The following UGGT2 variants were observed in gnomAD, a reference collection of about 807,000 sequenced individuals.
The protein encoded by UGGT2 is UDP-glucose glycoprotein glucosyltransferase 2.
A neutral mutation model predicts 192.1 loss-of-function variants in UGGT2; 180 were observed. The ratio of observed to expected loss-of-function variants is 0.94; its 90% CI spans 0.83 to 1.06. The LOEUF is 1.06. UGGT2 is among the 50% of genes least tolerant of loss of function. UGGT2 has a pLI of 0.00. For missense variants in UGGT2, 1,849 were observed against 1,795.7 expected, an observed-to-expected ratio of 1.03 and a Z score of -0.54; for synonymous variants, 580 against 591.0, an observed-to-expected ratio of 0.98 and a Z score of 0.27.
intron 17 of UGGT2, among the ~76,000 whole-genome samples, chr13:95,932,299 T>C (rs981254398): frequency 3.5e-5 from 5 of 144,312 alleles, no homozygotes; most frequent in African/African-American, 5.1e-5. Flanking sequence ...GCTGTATTCC[T>C]AGGTATTTTA....
intron 2 of UGGT2, among the ~76,000 whole-genome samples, chr13:96,030,841 A>G: frequency 6.6e-6 from 1 of 152,372 alleles, no homozygotes; most frequent in East Asian, 1.9e-4. Flanking sequence ...ACTCTCATAT[A>G]CATATAAAAA....
chr13:95,900,249 G>A (rs1353438510), intron 22 of UGGT2, among the ~76,000 whole-genome samples: 1 of 151,944 alleles, frequency 6.6e-6, no homozygotes, highest in Non-Finnish European at 1.5e-5. Context: ...ATCTATGTAT[G>A]GTAGAAAAAA....
chr13:95,939,945 G>C lies in UGGT2; in HGVS notation c.1812+12C>G. On this transcript the variant is annotated intron_variant, in intron 16 of 38. Coordinates refer to ENST00000376747, the MANE Select transcript of UGGT2 (RefSeq NM_020121.4). ...CCTGGCCTACTCCACTTAACATAAT[G>C]TCCCAACTTACCTTTCTTTCTTCAT... is the stretch of plus-strand genomic sequence containing the variant. 1 of 1,587,352 alleles carries C rather than the reference G, an allele frequency of 6.3e-7. No individual in the cohort carries two copies. The highest frequency in any genetic ancestry group is 8.6e-7 in the Non-Finnish European group (1 of 1,165,784).
Position 95,877,383 on chromosome 13 carries a change from A to C in UGGT2, c.3388-19T>G. On this transcript the variant is annotated intron_variant, in intron 28 of 38. Transcript: ENST00000376747. Reference sequence around the variant, plus strand: ...AATACCCCTTTTAAGATGAGAAAAAAATAATCATTGAGTAATATGACTAAA... The same window carrying C: ...AATACCCCTTTTAAGATGAGAAAAACATAATCATTGAGTAATATGACTAAA... 6.3e-7 allele frequency: 1 copy of C among 1,581,192 alleles called. No homozygotes were observed. Among genetic ancestry groups the C allele is most frequent in the Non-Finnish European group, 8.6e-7 (1 of 1,162,390 alleles).
At chr13:95,995,251 G>C (rs1466531462) in intron 7 of UGGT2, 1 of 151,884 alleles carries the variant, frequency 6.6e-6, no homozygotes, top group East Asian at 1.9e-4. Context: ...GAAATTCCAA[G>C]GCCAATAAAC....
intron 10 of UGGT2, among the ~76,000 whole-genome samples, chr13:95,982,318 A>C (rs981938666): frequency 2.0e-5 from 3 of 152,240 alleles, no homozygotes; most frequent in Non-Finnish European, 4.4e-5. Flanking sequence ...AGCAAGCTAG[A>C]AGCTTGCATA....
At chr13:95,891,615 A>G (rs2047802804) in intron 24 of UGGT2, among the ~76,000 whole-genome samples, 1 of 152,190 alleles carries the variant, frequency 6.6e-6, no homozygotes, top group Admixed American at 6.5e-5. Flanking sequence ...AATATAATTA[A>G]AAGTTAATCA....
intron 38 of UGGT2, among the ~76,000 whole-genome samples, chr13:95,823,606 T>C (rs1050312463): frequency 5.3e-5 from 8 of 152,092 alleles, no homozygotes; most frequent in Non-Finnish European, 8.8e-5. Context: ...TTCATTTGTG[T>C]AGCTTATCTT....
chr13:95,909,752 T>TAATAATAAG (rs2048418410), intron 20 of UGGT2, among the ~76,000 whole-genome samples: 1 of 35,058 alleles, frequency 2.9e-5, no homozygotes, highest in African/African-American at 1.1e-4. Flanking sequence ...TGAAGTATAA[T>TAATAATAAG]AATAATAATA....
At chr13:95,963,048 T>C (rs1402947603) in intron 12 of UGGT2, among the ~76,000 whole-genome samples, 1 of 152,116 alleles carries the variant, frequency 6.6e-6, no homozygotes. Context: ...CATGATTCAA[T>C]TACCTCCCAC....
chr13:96,019,580 G>A (rs1454201510), intron 4 of UGGT2, among the ~76,000 whole-genome samples: 1 of 152,094 alleles, frequency 6.6e-6, no homozygotes, highest in Admixed American at 6.6e-5. Context: ...CACTTATCAG[G>A]GAATGGGTCT....
intron 12 of UGGT2, among the ~76,000 whole-genome samples, chr13:95,960,118 C>A (rs914103500): frequency 2.1e-4 from 32 of 152,144 alleles, no homozygotes; most frequent in Admixed American, 8.5e-4. Flanking sequence ...CTTCCCCTAA[C>A]AATGGAAATT....
At chr13:95,966,687 G>T (rs371793715) in intron 12 of UGGT2, among the ~76,000 whole-genome samples, 8 of 152,008 alleles carry the variant, frequency 5.3e-5, no homozygotes, top group African/African-American at 1.9e-4. Flanking sequence ...GTAAAATATT[G>T]TGTATCAATT....
chr13:95,898,158 G>C (rs1038572057), intron 22 of UGGT2, among the ~76,000 whole-genome samples: 5 of 152,036 alleles, frequency 3.3e-5, no homozygotes, highest in African/African-American at 1.2e-4. Context: ...CTGGACTACT[G>C]CATTATCTCC....
intron 20 of UGGT2, among the ~76,000 whole-genome samples, chr13:95,917,723 C>A (rs1480046795): frequency 6.6e-6 from 1 of 152,080 alleles, no homozygotes; most frequent in African/African-American, 2.4e-5. Flanking sequence ...GGAAAATTTA[C>A]AAGCAAATGG....
intron 20 of UGGT2, among the ~76,000 whole-genome samples, chr13:95,906,197 G>T (rs1373161547): frequency 6.6e-6 from 1 of 152,062 alleles, no homozygotes; most frequent in Non-Finnish European, 1.5e-5. Flanking sequence ...AAAATTTCCA[G>T]TGTTCGATAT....
intron 15 of UGGT2, among the ~76,000 whole-genome samples, chr13:95,945,526 T>A (rs147939977): frequency 6.6e-6 from 1 of 152,274 alleles, no homozygotes; most frequent in African/African-American, 2.4e-5. Context: ...CACTGTAGAT[T>A]AATGCCATCA....
chr13:95,828,135 T>C (rs1317543372), intron 38 of UGGT2, among the ~76,000 whole-genome samples: 1 of 151,722 alleles, frequency 6.6e-6, no homozygotes, highest in Non-Finnish European at 1.5e-5. Context: ...TGCTGCAACC[T>C]GGACATATCA....
chr13:95,992,246 A>G (rs896373854), intron 7 of UGGT2, among the ~76,000 whole-genome samples: 10 of 152,252 alleles, frequency 6.6e-5, no homozygotes, highest in Non-Finnish European at 8.8e-5. Flanking sequence ...TGACATTGGT[A>G]GTTTGACAGG....
Sources: allele counts gnomAD v4.1 joint callset (sites outside exome capture counted in the v4.1 genomes callset), GRCh38; gene constraint gnomAD v4.1.1; transcripts MANE v1.5; gene names NCBI Gene and HGNC (gene_info 2026-07-23, HGNC 2026-07-21).